STAB1: variants seen among roughly 807,000 people sequenced by gnomAD.
The protein encoded by STAB1 is stabilin-1.
A neutral mutation model predicts 332.4 loss-of-function variants in STAB1; 250 were observed. The observed-to-expected ratio is 0.75, with a 90% CI of 0.68 to 0.84. The LOEUF (loss-of-function observed/expected upper bound fraction) is 0.84. Ranked by LOEUF, STAB1 falls within the 40% of genes least tolerant of loss-of-function variation. The probability of loss-of-function intolerance (pLI) is 0.00; values close to 1 mark genes in which losing one functional copy is unlikely to be tolerated. For synonymous variants in STAB1, 1,475 were observed against 1,390.4 expected (o/e 1.06, Z -1.35); for missense variants, 3,249 against 3,489.7 (o/e 0.93, Z 1.74).
At chr3:52,513,357 C>A in intron 30 of STAB1, 116 bp downstream of exon 30, 2 of 997,722 alleles carry the variant, frequency 2.0e-6, no homozygotes, top group Non-Finnish European at 2.9e-6. Flanking sequence ...GGTCCCCTCG[C>A]CCTGCCCAGA....
In STAB1 at chr3:52,514,220, C is replaced by T; in HGVS notation, c.3546+7C>T. The T allele has an allele frequency of 1.2e-6, 2 of 1,612,834 alleles. No homozygotes were observed. The highest frequency in any genetic ancestry group is 1.7e-6 in the Non-Finnish European group (2 of 1,179,896). ...GGGCAACAGCAGTCACCTGGTGAGG[C>T]CGTGGGGATGGGGCAATGGCAGGGA... On this transcript the variant is annotated splice_region_variant and intron_variant, in intron 33 of 68. Coordinates refer to ENST00000321725, the MANE Select transcript of STAB1 (RefSeq NM_015136.3).
chr3:52,520,851 C>T lies in STAB1; in HGVS notation c.5754C>T (p.Ser1918=), dbSNP rs1393024979. 6.2e-7 allele frequency: 1 copy of T among 1,612,842 alleles called. No individual in the cohort carries two copies. The highest frequency in any genetic ancestry group is 1.1e-5 in the South Asian group (1 of 91,086). ...CWRFYPKFWT[S]PPLHSLGLRS... is the part of the protein sequence containing the mutation. ...GCTTCTACCCGAAGTTCTGGACGTC[C>T]CCTCCGCTGCACTCTTTGGGATTAC... Residue 1918 remains serine (S), a synonymous_variant, in exon 55 of 69, where the codon TCC becomes TCT. Transcript: ENST00000321725.
At chr3:52,506,020 C>A in intron 16 of STAB1, 84 bp downstream of exon 16, 1 of 1,560,662 alleles carries the variant, frequency 6.4e-7, no homozygotes, top group Non-Finnish European at 8.8e-7. Flanking sequence ...GGCCCCATCT[C>A]TTCTCCATCT....
chr3:52,512,144 A>T (rs908030783), intron 26 of STAB1, among the ~76,000 whole-genome samples, 197 bp from the exon 27 acceptor site: 1 of 152,230 alleles, frequency 6.6e-6, no homozygotes. Context: ...GGCATGGGTA[A>T]TGCTTGTGTC....
At chr3:52,495,746 T>C (rs1707972354) in intron 1 of STAB1, among the ~76,000 whole-genome samples, 1 of 152,172 alleles carries the variant, frequency 6.6e-6, no homozygotes, top group Non-Finnish European at 1.5e-5. Context: ...CTCCCCAGCG[T>C]GCAGCTGAAG....
chr3:52,519,871 G>C lies in STAB1; in HGVS notation c.5236-73G>C. On this transcript the variant is annotated intron_variant, in intron 50 of 68. Transcript: ENST00000321725. ...GTGTGGAGCCCCTTCCTGCTCTGTG[G>C]CACAGCCCCCTGCCTTTGCTAACTA... 2.0e-6 allele frequency: 3 copies of C among 1,487,796 alleles called. No individual in the cohort carries two copies. The South Asian group carries it at 4.0e-5, about 20-fold the overall frequency. The allele number at this position is 1,487,796 out of a possible 1,614,324, so 92.2% of individuals were successfully genotyped here. A position where few individuals can be genotyped will look rare whatever the true frequency, so the allele number is the denominator to read the frequency against.
Position 52,520,629 on chromosome 3 carries a change from C to A in STAB1, c.5650-13C>A. ...CCACCTGACTTTGCTGTATTGGCCTCCCTCCCTTCCAGAACACCTGCAGCA... is the reference window on the plus strand; with the variant it reads ...CCACCTGACTTTGCTGTATTGGCCTACCTCCCTTCCAGAACACCTGCAGCA... On this transcript the variant is annotated splice_polypyrimidine_tract_variant and intron_variant, in intron 53 of 68. Coordinates refer to ENST00000321725, the MANE Select transcript of STAB1 (RefSeq NM_015136.3). The A allele has an allele frequency of 1.9e-6, 3 of 1,612,916 alleles. No individual in the cohort carries two copies. Among genetic ancestry groups the A allele is most frequent in the African/African-American group, 2.7e-5 (2 of 75,032 alleles).
chr3:52,516,250 G>A lies in STAB1; in HGVS notation c.4144+12G>A. 6.2e-7 allele frequency: 1 copy of A among 1,610,568 alleles called. No individual in the cohort carries two copies. The highest frequency in any genetic ancestry group is 8.5e-7 in the Non-Finnish European group (1 of 1,178,912). On this transcript the variant is annotated intron_variant, in intron 38 of 68. Transcript: ENST00000321725. ...CAACTGCACCGGAGGTGAGGACTGG[G>A]GAGGGGCGGGGGTGGGCCTCCTGGC...
intron 55 of STAB1, 25 bp from the exon 56 acceptor site, chr3:52,521,336 C>G: frequency 4.3e-6 from 7 of 1,613,376 alleles, no homozygotes; most frequent in Non-Finnish European, 5.9e-6. Flanking sequence ...CTGGCCCCAC[C>G]TCACTTCTCC....
intron 1 of STAB1, among the ~76,000 whole-genome samples, chr3:52,499,118 G>A (rs1241857847): frequency 6.6e-6 from 1 of 152,240 alleles, no homozygotes; most frequent in East Asian, 1.9e-4. Context: ...GGACCACAGT[G>A]TGGTCAGCAT....
chr3:52,522,188 C>A lies in STAB1; in HGVS notation c.6423C>A (p.Arg2141=). 1 of 1,612,602 alleles carries A rather than the reference C, an allele frequency of 6.2e-7. No individual in the cohort carries two copies. The part of the protein sequence containing the change: ...RARNPCTDGH[R]GGCSEHANCL... ...GCAACCCCTGCACAGATGGCCACCG[C>A]GGGGGCTGCAGCGAGCACGCCAACT... The change falls in exon 59 of 69, where the codon CGC becomes CGA. Residue 2141 remains arginine, a synonymous_variant. Transcript: ENST00000321725.
chr3:52,517,743 C>G lies in STAB1; in HGVS notation c.4638+119C>G, dbSNP rs558344826. 9 of 1,553,270 alleles carry G rather than the reference C, an allele frequency of 5.8e-6. No individual in the cohort carries two copies. In the Admixed American group the frequency reaches 5.9e-5, roughly 10 times the overall value. On this transcript the variant is annotated intron_variant, in intron 44 of 68. Coordinates refer to ENST00000321725, the MANE Select transcript of STAB1 (RefSeq NM_015136.3). ...GCCTCTGCAGGGTGGGCTATCCTCC[C>G]GTCAAGCTCGAGTTTAATCAGTAGC...
At position 52,523,690 on chromosome 3, in the gene STAB1, G is replaced by A. The variant is rs766299591; in HGVS notation, c.7329G>A (p.Trp2443Ter). The A allele has an allele frequency of 6.2e-7, 1 of 1,612,034 alleles. No individual in the cohort carries two copies. Among genetic ancestry groups the A allele is most frequent in the Non-Finnish European group, 8.5e-7 (1 of 1,179,258 alleles). Reference protein sequence around the residue: ...GTVVVSRIIVWDIMAFNGIIH... With the variant: ...GTVVVSRIIV The stretch of plus-strand genomic sequence containing the variant: ...TTGTGGTTAGCCGTATCATTGTGTG[G>A]GACATCATGGCCTTCAATGGCATCA... The change falls in exon 66 of 69, where the codon TGG becomes TGA. Residue 2443 changes from tryptophan to a stop codon, truncating the protein, a stop_gained. Transcript: ENST00000321725. LOFTEE classifies it high-confidence loss of function.
In STAB1 at chr3:52,503,883, A is replaced by G. The variant is rs1708639173; in HGVS notation, c.1003A>G (p.Thr335Ala). ...CGACCGGTCTGCCACTTGCCAGGTG[A>G]CCGCTGATGGGAAGACCAGGTGAGC... Reference protein sequence around the residue: ...SCDRSATCQVTADGKTSCVCR... With the variant: ...SCDRSATCQVAADGKTSCVCR... The change falls in exon 9 of 69, where the codon ACC becomes GCC. Residue 335 changes from threonine to alanine, a missense_variant. Thr to Ala is a moderately conservative substitution (Grantham distance 58). Coordinates refer to ENST00000321725, the MANE Select transcript of STAB1 (RefSeq NM_015136.3). The G allele has an allele frequency of 4.3e-6, 7 of 1,612,932 alleles. No individual in the cohort carries two copies. Among genetic ancestry groups the G allele is most frequent in the Non-Finnish European group, 5.1e-6 (6 of 1,179,970 alleles).
At chr3:52,509,127 C>A in intron 21 of STAB1, 83 bp from the exon 22 acceptor site, 1 of 1,266,136 alleles carries the variant, frequency 7.9e-7, no homozygotes, top group Non-Finnish European at 1.1e-6. Flanking sequence ...TCAGAGCCAG[C>A]CCATGAAAGG....
chr3:52,499,867 C>G (rs1418326797), intron 1 of STAB1, among the ~76,000 whole-genome samples: 1 of 119,074 alleles, frequency 8.4e-6, no homozygotes, highest in Non-Finnish European at 1.6e-5. Context: ...CCACTGCACT[C>G]CAGCCTGGGC....
chr3:52,519,242 C>CA (rs755463820), intron 48 of STAB1, 22 bp from the exon 49 acceptor site: 68 of 1,603,858 alleles, frequency 4.2e-5, no homozygotes, highest in Non-Finnish European at 5.8e-5. Context: ...TCTGCTTCAT[C>CA]AGCCCCGTGC....
intron 30 of STAB1, 102 bp downstream of exon 30, chr3:52,513,343 T>C: frequency 8.7e-7 from 1 of 1,153,336 alleles, no homozygotes; most frequent in Admixed American, 2.7e-5. Flanking sequence ...TGGGATGAGA[T>C]TGGGGTCCCC....
chr3:52,519,962 C>A lies in STAB1; in HGVS notation c.5254C>A (p.Leu1752Met). 1 of 1,588,014 alleles carries A rather than the reference C, an allele frequency of 6.3e-7. No homozygotes were observed. The highest frequency in any genetic ancestry group is 8.6e-7 in the Non-Finnish European group (1 of 1,166,578). The change falls in exon 51 of 69, where the codon CTG becomes ATG. Residue 1752 changes from leucine (L) to methionine (M), a missense_variant. Physicochemically the swap from Leu to Met is conservative, Grantham distance 15. Coordinates refer to ENST00000321725, the MANE Select transcript of STAB1 (RefSeq NM_015136.3). ...GLLKVAGLLP[L>M]LREASHRPFT... ...CCACCAGGTGGCCGGCCTCCTGCCC[C>A]TGCTTCGAGAGGCATCCCATAGGCC...
Sources: allele counts gnomAD v4.1 joint callset (sites outside exome capture counted in the v4.1 genomes callset), GRCh38; gene constraint gnomAD v4.1.1; transcripts MANE v1.5; gene names NCBI Gene and HGNC (gene_info 2026-07-23, HGNC 2026-07-21).